Variants in PDS5B observed in about 807,000 individuals in gnomAD.
PDS5B encodes the protein PDS5 cohesin associated factor B.
A neutral mutation model predicts 184.1 loss-of-function variants in PDS5B; 51 were observed. The ratio of observed to expected loss-of-function variants is 0.28; its 90% confidence interval spans 0.22 to 0.35. PDS5B has a LOEUF of 0.35. Ranked by LOEUF, PDS5B falls within the 10% of genes least tolerant of loss-of-function variation. The pLI is 1.00. For synonymous variants in PDS5B, 566 were observed against 569.2 expected (o/e 0.99, Z 0.08); for missense variants, 1,180 against 1,723.3 (o/e 0.68, Z 5.58).
intron 1 of PDS5B, among the ~76,000 whole-genome samples, chr13:32,619,132 A>G (rs2058259229): frequency 6.7e-6 from 1 of 148,778 alleles, no homozygotes; most frequent in South Asian, 2.2e-4. Context: ...TGCATGTCTA[A>G]ATGATTTAAA....
At chr13:32,661,734 ATT>A (rs1950654356) in intron 6 of PDS5B, among the ~76,000 whole-genome samples, 7 of 152,174 alleles carry the variant, frequency 4.6e-5, no homozygotes, top group Non-Finnish European at 8.8e-5. Flanking sequence ...CCATCCTGAA[ATT>A]GTGGAATACT....
At chr13:32,719,105 ACTT>A (rs1197320161) in intron 19 of PDS5B, among the ~76,000 whole-genome samples, 1 of 152,214 alleles carries the variant, frequency 6.6e-6, no homozygotes, top group Non-Finnish European at 1.5e-5. Flanking sequence ...TATTTTTATA[ACTT>A]CCTTGTTTGT....
intron 10 of PDS5B, among the ~76,000 whole-genome samples, chr13:32,683,369 G>C (rs932790002): frequency 3.6e-5 from 5 of 140,304 alleles, no homozygotes; most frequent in Admixed American, 7.6e-5. Flanking sequence ...TGCCCAGGCT[G>C]AAGTGCAATG....
At chr13:32,728,095 A>T in intron 19 of PDS5B, among the ~76,000 whole-genome samples, 1 of 146,740 alleles carries the variant, frequency 6.8e-6, no homozygotes, top group Non-Finnish European at 1.5e-5. Context: ...TTTATTTTCC[A>T]TTTCTATTGT....
chr13:32,749,960 T>G (rs1457841993), intron 24 of PDS5B, among the ~76,000 whole-genome samples: 1 of 152,228 alleles, frequency 6.6e-6, no homozygotes, highest in South Asian at 2.1e-4. Flanking sequence ...TATTCTTTAC[T>G]TCACATTTAA....
intron 1 of PDS5B, among the ~76,000 whole-genome samples, chr13:32,599,870 G>A (rs1035018578): frequency 2.6e-5 from 4 of 152,038 alleles, no homozygotes; most frequent in Non-Finnish European, 5.9e-5. Flanking sequence ...AGCCGAGATC[G>A]TGCCAGTGTG....
intron 7 of PDS5B, among the ~76,000 whole-genome samples, chr13:32,668,703 T>C (rs193091914): frequency 1.3e-5 from 2 of 152,324 alleles, no homozygotes; most frequent in East Asian, 3.9e-4. Context: ...TTTGCATTCC[T>C]GAGTAAAGTA....
chr13:32,634,429 A>C (rs9595962), intron 1 of PDS5B, among the ~76,000 whole-genome samples: 56,683 of 151,876 alleles, frequency 0.37, 10,978 homozygotes, highest in Non-Finnish European at 0.43. Context: ...TCCATTCACC[A>C]GTTAATAGAC....
intron 26 of PDS5B, among the ~76,000 whole-genome samples, chr13:32,756,649 A>G (rs970903692): frequency 2.6e-5 from 4 of 152,208 alleles, no homozygotes; most frequent in Admixed American, 6.5e-5. Flanking sequence ...CAACTAATTT[A>G]TGATGCCTTT....
chr13:32,606,647 T>C (rs2058065180), intron 1 of PDS5B, among the ~76,000 whole-genome samples: 1 of 152,234 alleles, frequency 6.6e-6, no homozygotes. Context: ...TCCTGGATAA[T>C]ATCCTGAAGA....
chr13:32,746,082 A>G lies in PDS5B; in HGVS notation c.2718A>G (p.Leu906=), dbSNP rs964142273. The part of the protein sequence containing the change: ...HEIITLEQYQ[L]CALAINDECY... ...TCATCACATTAGAACAATATCAGCT[A>G]TGTGCATTAGCTATCAACGTAAGGA... is the stretch of plus-strand genomic sequence containing the variant. The change falls in exon 24 of 35, where the codon CTA becomes CTG. Residue 906 remains leucine (L), a synonymous_variant. Coordinates refer to ENST00000315596, the MANE Select transcript of PDS5B (RefSeq NM_015032.4). 6.2e-6 allele frequency: 10 copies of G among 1,613,510 alleles called. No homozygotes were observed. The highest frequency in any genetic ancestry group is 7.6e-6 in the Non-Finnish European group (9 of 1,179,670).
chr13:32,673,383 A>G, intron 8 of PDS5B, 27 bp downstream of exon 8: 1 of 1,578,520 alleles, frequency 6.3e-7, no homozygotes, highest in Non-Finnish European at 8.6e-7. Flanking sequence ...ATATGATTCT[A>G]CCAACCAAGT....
intron 15 of PDS5B, among the ~76,000 whole-genome samples, chr13:32,697,554 G>C (rs988493213): frequency 3.9e-5 from 6 of 152,198 alleles, no homozygotes; most frequent in Non-Finnish European, 5.9e-5. Flanking sequence ...GAAGATAACA[G>C]TAAACCTAAC....
chr13:32,716,462 C>A (rs1044510721), intron 19 of PDS5B, among the ~76,000 whole-genome samples: 4 of 151,140 alleles, frequency 2.6e-5, no homozygotes, highest in Admixed American at 1.3e-4. Flanking sequence ...CCCCTCCGCC[C>A]GGCAGCCGCC....
intron 1 of PDS5B, among the ~76,000 whole-genome samples, chr13:32,608,704 A>G (rs775926096): frequency 6.6e-6 from 1 of 152,144 alleles, no homozygotes; most frequent in African/African-American, 2.4e-5. Context: ...AACTTTGATG[A>G]TGTGGGCAGT....
chr13:32,730,142 C>T (rs1042135625), intron 19 of PDS5B, among the ~76,000 whole-genome samples: 5 of 152,146 alleles, frequency 3.3e-5, no homozygotes, highest in African/African-American at 1.2e-4. Flanking sequence ...AGGAAGGGGT[C>T]AAGTTTCAGT....
rs775105271 is a variant in PDS5B, at chr13:32,775,369, C to T, written c.*317C>T. ...GAAGTGCTTGTATAGCTTTTATCTG[C>T]GGCTTTAAACTGACAGTACCCGACT... is the stretch of plus-strand genomic sequence containing the variant. On this transcript the variant is annotated 3_prime_UTR_variant, in exon 35 of 35. Transcript: ENST00000315596. The T allele has an allele frequency of 1.4e-4, 45 of 333,148 alleles. No individual in the cohort carries two copies. The highest frequency in any genetic ancestry group is 9.3e-4 in the Middle Eastern group (1 of 1,070). 20.6% of individuals were successfully genotyped at this position (333,148 alleles called of 1,614,324 possible). A position where few individuals can be genotyped will look rare whatever the true frequency, so the allele number is the denominator to read the frequency against.
Position 32,604,080 on chromosome 13 carries a change from C to T in PDS5B, c.-20+17487C>T, listed in dbSNP as rs182985145. ...AATACACTTTATTTCTTTCTCTTGC[C>T]TGATTGCCCTGGCCAGAACTTCCAA... On this transcript the variant is annotated intron_variant, in intron 1 of 34. Coordinates refer to ENST00000315596, the MANE Select transcript of PDS5B (RefSeq NM_015032.4). 3.9e-5 allele frequency among the ~76,000 whole-genome samples: 6 copies of T among 152,328 alleles called. No homozygotes were observed. In the East Asian group the frequency reaches 1.2e-3, roughly 29 times the overall value.
chr13:32,692,240 T>G (rs751922348), intron 13 of PDS5B, among the ~76,000 whole-genome samples: 13 of 151,850 alleles, frequency 8.6e-5, no homozygotes, highest in Non-Finnish European at 1.6e-4. Flanking sequence ...TGTGAATCAG[T>G]TTTTGAATAA....
Sources: allele counts gnomAD v4.1 joint callset (sites outside exome capture counted in the v4.1 genomes callset), GRCh38; gene constraint gnomAD v4.1.1; transcripts MANE v1.5; gene names NCBI Gene and HGNC (gene_info 2026-07-23, HGNC 2026-07-21).